Variants in FBXL7 observed in about 807,000 individuals in gnomAD.
The protein encoded by FBXL7 is F-box and leucine rich repeat protein 7, also known as F-box/LRR-repeat protein 7.
FBXL7 carries 12 observed loss-of-function variants against 38.3 expected under a neutral mutation model. The observed-to-expected ratio is 0.31, with a 90% CI of 0.20 to 0.51. FBXL7 has a LOEUF of 0.51. Among genes scored for constraint, FBXL7 ranks in the 20% least tolerant of loss-of-function variants. The pLI is 0.98. For missense variants in FBXL7, 567 were observed against 676.4 expected, an observed-to-expected ratio of 0.84 and a Z score of 1.79; for synonymous variants, 297 against 300.9, an observed-to-expected ratio of 0.99 and a Z score of 0.13.
At chr5:15,818,406 T>C (rs1172798875) in intron 2 of FBXL7, among the ~76,000 whole-genome samples, 3 of 152,226 alleles carry the variant, frequency 2.0e-5, no homozygotes, top group South Asian at 2.1e-4. Context: ...TTTTGGCTAA[T>C]AGTGATTCAG....
intron 1 of FBXL7, among the ~76,000 whole-genome samples, chr5:15,561,896 AG>A (rs1738425285): frequency 6.6e-6 from 1 of 152,282 alleles, no homozygotes; most frequent in African/African-American, 2.4e-5. Context: ...ACAAAGCAAA[AG>A]TAATCAAAAC....
At chr5:15,682,480 A>G (rs1056056577) in intron 2 of FBXL7, among the ~76,000 whole-genome samples, 3 of 152,230 alleles carry the variant, frequency 2.0e-5, no homozygotes, top group African/African-American at 7.2e-5. Flanking sequence ...TTGTCTTTAT[A>G]AAGAATGGTA....
rs77313127 is a variant in FBXL7, at chr5:15,612,632, C to A, written c.38-3351C>A. Reference sequence around the variant, plus strand: ...GCCATGAGTTATATTGTCCAAGTTTCCCCATGTTTAAAGGAAGGCGCTCTA... The same window carrying A: ...GCCATGAGTTATATTGTCCAAGTTTACCCATGTTTAAAGGAAGGCGCTCTA... On this transcript the variant is annotated intron_variant, in intron 1 of 3. Coordinates refer to ENST00000504595, the MANE Select transcript of FBXL7 (RefSeq NM_012304.5). Among the ~76,000 whole-genome samples the A allele has an allele frequency of 3.0e-4, 45 of 152,200 alleles. No individual in the cohort carries two copies. The East Asian group carries it at 8.3e-3, about 28-fold the overall frequency.
At chr5:15,894,134 C>A (rs1175213676) in intron 2 of FBXL7, among the ~76,000 whole-genome samples, 1 of 152,208 alleles carries the variant, frequency 6.6e-6, no homozygotes, top group Non-Finnish European at 1.5e-5. Context: ...ATTAGCCAGG[C>A]ATGGTGGCAC....
intron 2 of FBXL7, among the ~76,000 whole-genome samples, chr5:15,628,390 A>G (rs542152528): frequency 6.6e-6 from 1 of 152,182 alleles, no homozygotes; most frequent in Non-Finnish European, 1.5e-5. Context: ...TGGAGCGAAG[A>G]TGTTTCCAGT....
chr5:15,887,237 C>T (rs905264616), intron 2 of FBXL7, among the ~76,000 whole-genome samples: 1 of 152,232 alleles, frequency 6.6e-6, no homozygotes. Context: ...TTTACATTTC[C>T]AGCCAATGTT....
intron 1 of FBXL7, among the ~76,000 whole-genome samples, chr5:15,571,092 TAAAAAA>T (rs397996852): frequency 1.2e-3 from 151 of 129,278 alleles, no homozygotes; most frequent in Non-Finnish European, 1.5e-3. Context: ...ATTCTGTCTT[TAAAAAA>T]AAAAAAAAAA....
At chr5:15,528,084 C>T (rs766773767) in intron 1 of FBXL7, among the ~76,000 whole-genome samples, 5 of 152,124 alleles carry the variant, frequency 3.3e-5, no homozygotes, top group East Asian at 3.8e-4. Flanking sequence ...GTTCCTTCTT[C>T]GAGTAAATGT....
intron 1 of FBXL7, among the ~76,000 whole-genome samples, chr5:15,594,526 A>G (rs1739567003): frequency 6.6e-6 from 1 of 152,200 alleles, no homozygotes; most frequent in South Asian, 2.1e-4. Context: ...GGCTAGAAAC[A>G]GGAGCATGAC....
intron 2 of FBXL7, among the ~76,000 whole-genome samples, chr5:15,764,587 C>T (rs1484241842): frequency 2.0e-5 from 3 of 152,222 alleles, no homozygotes; most frequent in Non-Finnish European, 4.4e-5. Flanking sequence ...GGCTTAAGAA[C>T]AGGAGCATCA....
At chr5:15,715,579 G>A (rs1744021728) in intron 2 of FBXL7, among the ~76,000 whole-genome samples, 1 of 151,978 alleles carries the variant, frequency 6.6e-6, no homozygotes, top group African/African-American at 2.4e-5. Flanking sequence ...CACTTTGTGG[G>A]CCACGTGGTC....
At chr5:15,638,929 A>G (rs1580426450) in intron 2 of FBXL7, among the ~76,000 whole-genome samples, 1 of 152,042 alleles carries the variant, frequency 6.6e-6, no homozygotes, top group East Asian at 1.9e-4. Context: ...ACTGAGCTCA[A>G]CCCTGAAGTT....
intron 1 of FBXL7, among the ~76,000 whole-genome samples, chr5:15,550,630 T>A (rs1448425759): frequency 2.0e-5 from 3 of 152,366 alleles, no homozygotes; most frequent in Non-Finnish European, 4.4e-5. Context: ...CCAGGTTCTT[T>A]GCAAACTTCC....
chr5:15,906,217 C>T (rs1009941776), intron 2 of FBXL7, among the ~76,000 whole-genome samples: 2 of 151,974 alleles, frequency 1.3e-5, no homozygotes, highest in Admixed American at 6.5e-5. Context: ...GAGCTTTACA[C>T]ATTGGTCAAT....
intron 2 of FBXL7, among the ~76,000 whole-genome samples, chr5:15,642,862 A>G (rs894465155): frequency 5.9e-5 from 9 of 152,206 alleles, no homozygotes; most frequent in Non-Finnish European, 1.2e-4. Flanking sequence ...AATTCATTTC[A>G]TGATCTTAAT....
chr5:15,791,966 C>T (rs1283816220), intron 2 of FBXL7, among the ~76,000 whole-genome samples: 1 of 152,022 alleles, frequency 6.6e-6, no homozygotes, highest in Non-Finnish European at 1.5e-5. Context: ...CAAGAGTGTC[C>T]CGTGAAAAAC....
rs564492037 is a variant in FBXL7 at position 15,684,407 on chromosome 5, G to A, written c.127+68335G>A. Among the ~76,000 whole-genome samples the A allele has an allele frequency of 7.9e-5, 12 of 152,348 alleles. No individual in the cohort carries two copies. The East Asian group carries it at 2.3e-3, about 29-fold the overall frequency. On this transcript the variant is annotated intron_variant, in intron 2 of 3. Transcript: ENST00000504595. The stretch of plus-strand genomic sequence containing the variant: ...TGATTTGGGTATTAAAGGGTAAATA[G>A]GAGTATTGCAGGCAGACAGCAAGAC...
intron 2 of FBXL7, among the ~76,000 whole-genome samples, chr5:15,817,284 C>T (rs920823618): frequency 6.6e-6 from 1 of 151,868 alleles, no homozygotes; most frequent in Non-Finnish European, 1.5e-5. Context: ...TTCCTAAATG[C>T]ATGACTTTTG....
intron 1 of FBXL7, among the ~76,000 whole-genome samples, chr5:15,544,891 G>A (rs1325136336): frequency 6.6e-6 from 1 of 152,076 alleles, no homozygotes; most frequent in African/African-American, 2.4e-5. Context: ...ATTGAGTTTT[G>A]GATAAGCAGA....
Sources: allele counts gnomAD v4.1 joint callset (sites outside exome capture counted in the v4.1 genomes callset), GRCh38; gene constraint gnomAD v4.1.1; transcripts MANE v1.5; gene names NCBI Gene and HGNC (gene_info 2026-07-23, HGNC 2026-07-21).